The following SEMA3D variants were observed in gnomAD, a reference collection of about 807,000 sequenced individuals.
SEMA3D encodes semaphorin 3D, also known as semaphorin-3D.
SEMA3D carries 84 observed loss-of-function variants against 100.1 expected under a neutral mutation model. The ratio of observed to expected loss-of-function variants is 0.84; its 90% CI spans 0.70 to 1.01. SEMA3D has a LOEUF of 1.01. SEMA3D is among the 50% of genes least tolerant of loss of function. The probability of loss-of-function intolerance (pLI) is 0.00; values close to 1 mark genes in which losing one functional copy is unlikely to be tolerated. For synonymous variants in SEMA3D, 312 were observed against 320.7 expected (o/e 0.97, Z 0.29); for missense variants, 875 against 934.1 (o/e 0.94, Z 0.82).
At chr7:85,101,591 G>A (rs1788745162) in intron 3 of SEMA3D, among the ~76,000 whole-genome samples, 1 of 151,956 alleles carries the variant, frequency 6.6e-6, no homozygotes, top group African/African-American at 2.4e-5. Context: ...GAATAAACGA[G>A]TTAATGCATG....
the SEMA3D span, among the ~76,000 whole-genome samples, chr7:85,204,281 G>C: frequency 4.0e-5 from 6 of 150,366 alleles, no homozygotes; most frequent in African/African-American, 1.5e-4. Flanking sequence ...TGAAATCAAA[G>C]GAGCATTACA....
At chr7:85,027,302 C>T (rs2115884384) in intron 12 of SEMA3D, among the ~76,000 whole-genome samples, 1 of 152,064 alleles carries the variant, frequency 6.6e-6, no homozygotes, top group South Asian at 2.1e-4. Flanking sequence ...AAATGACTGT[C>T]AGACACATCT....
At chr7:85,100,267 G>T (rs1788705586) in intron 3 of SEMA3D, among the ~76,000 whole-genome samples, 1 of 151,160 alleles carries the variant, frequency 6.6e-6, no homozygotes, top group Non-Finnish European at 1.5e-5. Context: ...AAACTACGTA[G>T]CAGCAAAGTT....
intron 4 of SEMA3D, among the ~76,000 whole-genome samples, chr7:85,094,990 G>A (rs972796462): frequency 6.6e-6 from 1 of 151,182 alleles, no homozygotes; most frequent in Non-Finnish European, 1.5e-5. Context: ...TAATACCAGA[G>A]AATTTAAAAA....
At chr7:85,028,157 CA>C in intron 12 of SEMA3D, 1 of 633,366 alleles carries the variant, frequency 1.6e-6, no homozygotes. Flanking sequence ...ATGAGAGAGA[CA>C]AAAAGCTGCT....
At chr7:85,212,533 C>T in the SEMA3D span, among the ~76,000 whole-genome samples, 4 of 150,810 alleles carry the variant, frequency 2.7e-5, no homozygotes, top group African/African-American at 5.0e-5. Context: ...ACTTTGATAT[C>T]GACTCAGATT....
intron 2 of SEMA3D, among the ~76,000 whole-genome samples, chr7:85,133,936 A>T (rs1789792593): frequency 6.6e-6 from 1 of 151,998 alleles, no homozygotes; most frequent in East Asian, 1.9e-4. Flanking sequence ...TAGTAAGTAA[A>T]TATGAAACTT....
intron 4 of SEMA3D, among the ~76,000 whole-genome samples, chr7:85,093,825 T>A (rs1192168974): frequency 6.6e-6 from 1 of 151,978 alleles, no homozygotes; most frequent in African/African-American, 2.4e-5. Context: ...GAATGTATAA[T>A]GTGGATGAAG....
intron 4 of SEMA3D, among the ~76,000 whole-genome samples, chr7:85,093,142 CA>C (rs1443924372): frequency 6.6e-6 from 1 of 151,970 alleles, no homozygotes; most frequent in Non-Finnish European, 1.5e-5. Context: ...AAGAAAAAAT[CA>C]GTCTTCTAAG....
intron 4 of SEMA3D, among the ~76,000 whole-genome samples, chr7:85,092,649 T>C (rs1408010957): frequency 1.3e-5 from 2 of 152,158 alleles, no homozygotes; most frequent in Middle Eastern, 3.4e-3. Flanking sequence ...ATTAACTATT[T>C]AGTGAATAAT....
At chr7:85,077,469 T>C (rs2116214690) in intron 5 of SEMA3D, among the ~76,000 whole-genome samples, 1 of 151,980 alleles carries the variant, frequency 6.6e-6, no homozygotes, top group Non-Finnish European at 1.5e-5. Context: ...GTTTTATAAG[T>C]CTGTAAATAA....
chr7:85,061,892 C>T (rs932185485), intron 8 of SEMA3D, among the ~76,000 whole-genome samples: 4 of 152,172 alleles, frequency 2.6e-5, no homozygotes, highest in African/African-American at 9.7e-5. Flanking sequence ...TCCAGCCAGA[C>T]TGCCTAGGTC....
At chr7:85,116,312 A>G (rs1051531270) in intron 3 of SEMA3D, among the ~76,000 whole-genome samples, 1 of 146,236 alleles carries the variant, frequency 6.8e-6, no homozygotes, top group East Asian at 2.0e-4. Flanking sequence ...GTATATATTT[A>G]TATATATTTA....
At chr7:85,122,814 A>G (rs1789465566) in intron 2 of SEMA3D, among the ~76,000 whole-genome samples, 1 of 152,178 alleles carries the variant, frequency 6.6e-6, no homozygotes, top group Non-Finnish European at 1.5e-5. Flanking sequence ...ACAAATTCCA[A>G]AATATAAGGG....
At chr7:85,103,557 A>C (rs577625218) in intron 3 of SEMA3D, among the ~76,000 whole-genome samples, 165 of 152,104 alleles carry the variant, frequency 1.1e-3, no homozygotes, top group Non-Finnish European at 1.4e-3. Context: ...GGATGTCAGC[A>C]GCACTTACCT....
In SEMA3D at chr7:85,102,822, G is replaced by T. The variant is rs147490773; in HGVS notation, c.152-4857C>A. ...ACACAGTGAGAAAAATAAATATAAA[G>T]TTGATATAGCCACTTGCTTTATTTT... On this transcript the variant is annotated intron_variant, in intron 3 of 18. Transcript: ENST00000284136. 8.9e-4 allele frequency among the ~76,000 whole-genome samples: 135 copies of T among 152,094 alleles called. 6 individuals carry two copies. The East Asian group carries it at 0.025, about 28-fold the overall frequency.
chr7:85,006,026 A>C (rs1305437987), intron 18 of SEMA3D, among the ~76,000 whole-genome samples: 1 of 152,006 alleles, frequency 6.6e-6, no homozygotes, highest in African/African-American at 2.4e-5. Flanking sequence ...AGTCAAGCCA[A>C]AGGTAGAACC....
At chr7:85,131,724 C>T (rs1283534195) in intron 2 of SEMA3D, among the ~76,000 whole-genome samples, 5 of 151,696 alleles carry the variant, frequency 3.3e-5, no homozygotes, top group African/African-American at 1.2e-4. Context: ...TGTATGTCTG[C>T]AATTCAATAT....
intron 9 of SEMA3D, among the ~76,000 whole-genome samples, chr7:85,049,246 C>A (rs966107835): frequency 6.6e-6 from 1 of 151,472 alleles, no homozygotes; most frequent in Non-Finnish European, 1.5e-5. Context: ...TCTATAGAGG[C>A]TTTCAAGGCA....
Sources: allele counts gnomAD v4.1 joint callset (sites outside exome capture counted in the v4.1 genomes callset), GRCh38; gene constraint gnomAD v4.1.1; transcripts MANE v1.5; gene names NCBI Gene and HGNC (gene_info 2026-07-23, HGNC 2026-07-21).